The following CNTN4 variants were observed in gnomAD, a reference collection of about 807,000 sequenced individuals.
CNTN4 encodes contactin-4.
A neutral mutation model predicts 122.5 loss-of-function variants in CNTN4; 77 were observed. That is an observed-to-expected ratio of 0.63 (90% CI 0.52 to 0.76). The LOEUF is 0.76. Among genes scored for constraint, CNTN4 ranks in the 30% least tolerant of loss-of-function variants. The pLI, the probability that CNTN4 is intolerant of heterozygous loss-of-function variation, is 0.00. For synonymous variants in CNTN4, 512 were observed against 447.0 expected, an observed-to-expected ratio of 1.15 and a Z score of -1.83; for missense variants, 1,256 against 1,259.1, an observed-to-expected ratio of 1.00 and a Z score of 0.04.
rs1225340789 is a variant in CNTN4, at chr3:2,101,780, A to G, written c.-145+1141A>G. On this transcript the variant is annotated intron_variant, in intron 2 of 24. Transcript: ENST00000418658. The stretch of plus-strand genomic sequence containing the variant: ...ACACACAAAGAAACAAAAAAGATGA[A>G]TAAAGCAAAAATTATGAAATAGAAG... Among the ~76,000 whole-genome samples the G allele has an allele frequency of 2.6e-5, 4 of 152,252 alleles. No individual in the cohort carries two copies. The East Asian group carries it at 7.7e-4, about 29-fold the overall frequency.
rs576019888 is a variant in CNTN4 at position 2,759,258 on chromosome 3, CTA to C, written c.358+13563_358+13564del. ...GCAACCTCTGCCTCCCGGCTTCAAG[CTA>C]TTCTCCTGCCTCAGCCTCCTGAGTA... On this transcript the variant is annotated intron_variant, in intron 6 of 24. Transcript: ENST00000418658. Among the ~76,000 whole-genome samples the C allele has an allele frequency of 1.1e-3, 161 of 152,228 alleles. 1 individual carries two copies. Among genetic ancestry groups the C allele is most frequent in the Admixed American group, 5.7e-3 (87 of 15,288 alleles).
In CNTN4 at chr3:2,239,516, G is replaced by C. The variant is rs145292648; in HGVS notation, c.-144-99662G>C. The stretch of plus-strand genomic sequence containing the variant: ...GTGTAGAGCAAGTCTTGTGGGGCCT[G>C]ATCTTGCTCTTACAAGCTTTGGGAT... On this transcript the variant is annotated intron_variant, in intron 2 of 24. Transcript: ENST00000418658. Among the ~76,000 whole-genome samples, 15 of 152,070 alleles carry C rather than the reference G, an allele frequency of 9.9e-5. 1 individual carries two copies. In the East Asian group the frequency reaches 2.9e-3, roughly 30 times the overall value.
intron 7 of CNTN4, among the ~76,000 whole-genome samples, chr3:2,848,500 G>T (rs2093493490): frequency 6.6e-6 from 1 of 152,206 alleles, no homozygotes; most frequent in South Asian, 2.1e-4. Flanking sequence ...TCAGTGCTAT[G>T]TCTGTTGTTT....
intron 3 of CNTN4, among the ~76,000 whole-genome samples, chr3:2,517,237 T>A (rs1036983252): frequency 2.6e-5 from 4 of 152,156 alleles, no homozygotes; most frequent in Non-Finnish European, 5.9e-5. Context: ...GACACCGTAG[T>A]CAGTCTGTCT....
intron 2 of CNTN4, among the ~76,000 whole-genome samples, chr3:2,260,506 A>G (rs1003523749): frequency 2.6e-5 from 4 of 152,086 alleles, no homozygotes; most frequent in African/African-American, 9.7e-5. Flanking sequence ...ATTGTGGCAG[A>G]TGAGGTAAGC....
At chr3:2,905,576 G>T (rs2094221441) in intron 12 of CNTN4, among the ~76,000 whole-genome samples, 1 of 152,196 alleles carries the variant, frequency 6.6e-6, no homozygotes, top group African/African-American at 2.4e-5. Context: ...TAGCGGTTAG[G>T]ATTTCAACAT....
intron 19 of CNTN4, 181 bp downstream of exon 19, chr3:3,039,184 A>G (rs567058086): frequency 4.8e-6 from 3 of 618,566 alleles, no homozygotes; most frequent in South Asian, 3.7e-5. Flanking sequence ...TTGCCCATCC[A>G]TTGTTGAGGC....
intron 3 of CNTN4, among the ~76,000 whole-genome samples, chr3:2,466,823 A>T (rs1164778890): frequency 2.0e-5 from 3 of 152,200 alleles, no homozygotes; most frequent in African/African-American, 7.2e-5. Flanking sequence ...ATTTTTTAAT[A>T]ACAGGAAGTG....
chr3:2,651,172 A>G lies in CNTN4; in HGVS notation c.55+79614A>G, dbSNP rs1344569953. Among the ~76,000 whole-genome samples the G allele has an allele frequency of 2.6e-5, 4 of 152,138 alleles. No individual in the cohort carries two copies. In the East Asian group the frequency reaches 7.7e-4, roughly 29 times the overall value. On this transcript the variant is annotated intron_variant, in intron 4 of 24. Coordinates refer to ENST00000418658, the MANE Select transcript of CNTN4 (RefSeq NM_175607.3). The stretch of plus-strand genomic sequence containing the variant: ...CCAGGGTAAAGATTCAAGAGTGGCC[A>G]TTGCAGTCTATTTAACAGCTCCATT...
At chr3:2,900,951 A>C in intron 11 of CNTN4, 130 bp downstream of exon 11, 1 of 1,193,926 alleles carries the variant, frequency 8.4e-7, no homozygotes, top group Non-Finnish European at 1.2e-6. Context: ...TATGGTGGAA[A>C]AAGTGAGAGT....
At chr3:2,269,483 C>G (rs186895827) in intron 2 of CNTN4, among the ~76,000 whole-genome samples, 1 of 152,040 alleles carries the variant, frequency 6.6e-6, no homozygotes, top group East Asian at 1.9e-4. Flanking sequence ...GAATGACAGA[C>G]AGGAAATGGC....
intron 6 of CNTN4, among the ~76,000 whole-genome samples, chr3:2,782,601 C>G (rs2091648324): frequency 6.6e-6 from 1 of 151,660 alleles, no homozygotes; most frequent in East Asian, 1.9e-4. Context: ...AACATTATAG[C>G]TGTTTCTCTA....
At chr3:3,003,720 A>AC (rs1696304803) in intron 14 of CNTN4, among the ~76,000 whole-genome samples, 2 of 150,644 alleles carry the variant, frequency 1.3e-5, no homozygotes, top group Non-Finnish European at 3.0e-5. Flanking sequence ...AAAAACAAAA[A>AC]AACCCCACTG....
intron 3 of CNTN4, among the ~76,000 whole-genome samples, chr3:2,520,732 TA>T (rs5846188): frequency 0.2 from 31,098 of 151,988 alleles, 3,662 homozygotes; most frequent in Middle Eastern, 0.28. Context: ...CTAGACATTT[TA>T]GACATTCTAT....
rs573915004 is a variant in CNTN4 at position 3,025,598 on chromosome 3, T to C, written c.1487-504T>C. Among the ~76,000 whole-genome samples the C allele has an allele frequency of 2.9e-4, 44 of 152,294 alleles. 1 individual carries two copies. The highest frequency in any genetic ancestry group is 2.7e-3 in the South Asian group (13 of 4,824). ...AAATAGATGTTTTATCTGGGTAGGA[T>C]TTGTTTTTCTATTCCTTCTTTTAAT... On this transcript the variant is annotated intron_variant, in intron 14 of 24. Transcript: ENST00000418658.
chr3:2,351,151 CATAGTT>C (rs1287003512), intron 3 of CNTN4, among the ~76,000 whole-genome samples: 2 of 152,150 alleles, frequency 1.3e-5, no homozygotes, highest in Non-Finnish European at 2.9e-5. Flanking sequence ...TTAGAGAAGT[CATAGTT>C]ATAGTTCTCC....
chr3:2,179,841 C>G (rs779962694), intron 2 of CNTN4, among the ~76,000 whole-genome samples: 2 of 151,816 alleles, frequency 1.3e-5, no homozygotes, highest in Non-Finnish European at 2.9e-5. Context: ...GACCCACAAA[C>G]AACAGCAAGA....
rs1267174917 is a variant in CNTN4, at chr3:2,841,667, A to G, written c.454+22086A>G. Among the ~76,000 whole-genome samples the G allele has an allele frequency of 2.6e-5, 4 of 152,222 alleles. No individual in the cohort carries two copies. Among genetic ancestry groups the G allele is most frequent in the Admixed American group, 1.3e-4 (2 of 15,282 alleles). On this transcript the variant is annotated intron_variant, in intron 7 of 24. Transcript: ENST00000418658. This position sits in a 1 kb window ranked among gnomAD's most constrained non-coding sequence, Gnocchi z 4.8. ...GGTCAGAGGCTCTTTGTTATATGGTAGAAGTATAGTCCGTAAGGAATAGAA... is the reference window on the plus strand; with the variant it reads ...GGTCAGAGGCTCTTTGTTATATGGTGGAAGTATAGTCCGTAAGGAATAGAA...
chr3:2,573,881 C>A (rs1450373873), intron 4 of CNTN4, among the ~76,000 whole-genome samples: 1 of 152,126 alleles, frequency 6.6e-6, no homozygotes, highest in Non-Finnish European at 1.5e-5. Context: ...GTCTTGATTT[C>A]ATTAATTTAC....
Sources: gnomAD v4.1 joint callset for allele counts (sites outside exome capture counted in the v4.1 genomes callset) on GRCh38, gnomAD v4.1.1 for gene constraint, Gnocchi (gnomAD v3.1) non-coding constraint, MANE v1.5 for transcripts, NCBI Gene and HGNC (gene_info 2026-07-23, HGNC 2026-07-21) for gene names.